APBA1: variants seen among roughly 807,000 people sequenced by gnomAD.
APBA1 encodes the protein amyloid-beta A4 precursor protein-binding family A member 1.
Under a neutral mutation model 86.6 loss-of-function variants are expected in APBA1, and 55 were observed. The observed-to-expected ratio is 0.64, with a 90% confidence interval of 0.51 to 0.80. APBA1 has a LOEUF of 0.80. Among genes scored for constraint, APBA1 ranks in the 30% least tolerant of loss-of-function variants. APBA1 has a pLI of 0.00. For synonymous variants in APBA1, 511 were observed against 493.9 expected (o/e 1.03, Z -0.46); for missense variants, 1,090 against 1,183.0 (o/e 0.92, Z 1.15).
At position 69,516,467 on chromosome 9, in the gene APBA1, G is replaced by T. The variant is rs1836150874; in HGVS notation, c.744C>A (p.Ser248Arg). The part of the protein sequence containing the change: ...YDERSDGESD[S>R]PEKEAEFAPY... ...GCGCGAACTCGGCCTCCTTCTCGGG[G>T]CTGTCGGACTCGCCGTCGGAGCGCT... Residue 248 changes from serine to arginine, a missense_variant, in exon 2 of 13, where the codon AGC (serine) becomes AGA (arginine). By Grantham distance (110) the Ser-to-Arg change is moderately radical. This residue lies in a region of APBA1 where 678 missense variants were observed against 647.1 expected (regional missense o/e 1.05). Coordinates refer to ENST00000265381, the MANE Select transcript of APBA1 (RefSeq NM_001163.4). The surrounding 1 kb of genome is among the most constrained non-coding windows in gnomAD (Gnocchi z 7.3). 3 of 1,602,138 alleles carry T rather than the reference G, an allele frequency of 1.9e-6. No homozygotes were observed. Among genetic ancestry groups the T allele is most frequent in the South Asian group, 1.1e-5 (1 of 90,926 alleles).
At position 69,456,283 on chromosome 9, in the gene APBA1, C is replaced by T. The variant is rs765665436; in HGVS notation, c.1752G>A (p.Gln584=). The change falls in exon 8 of 13, where the codon CAG becomes CAA. Residue 584 remains glutamine (Q), a synonymous_variant. Transcript: ENST00000265381. The stretch of plus-strand genomic sequence containing the variant: ...CGAAGACGTGGCAGATCATCTTGTA[C>T]TGCCTTTTCCCATCCTGGGATGGGT... ...ASHPSQDGKR[Q]YKMICHVFES... 1.2e-6 allele frequency: 2 copies of T among 1,614,242 alleles called. No homozygotes were observed. The highest frequency in any genetic ancestry group is 2.2e-5 in the South Asian group (2 of 91,086).
rs1442024341 is a variant in APBA1, at chr9:69,475,643, C to CA, written c.1296+404dup. Among the ~76,000 whole-genome samples the CA allele has an allele frequency of 4.6e-5, 7 of 152,208 alleles. 1 individual carries two copies. The East Asian group carries it at 1.3e-3, about 29-fold the overall frequency. ...AAACTAACACATTTCCCAAAGCACA[C>CA]AGCAACTGCAAGCCCATGGCATCAG... On this transcript the variant is annotated intron_variant, in intron 3 of 12. Transcript: ENST00000265381.
rs757551094 is a variant in APBA1 at position 69,458,196 on chromosome 9, G to C, written c.1483-8C>G. ...GGCTAATTTCTGGGCCATCTGCTTA[G>C]CATGGAACAAACAGAGACAGGAGAA... On this transcript the variant is annotated splice_region_variant and splice_polypyrimidine_tract_variant and intron_variant, in intron 5 of 12. Transcript: ENST00000265381. The C allele has an allele frequency of 1.9e-6, 3 of 1,609,384 alleles. No homozygotes were observed. The highest frequency in any genetic ancestry group is 2.5e-6 in the Non-Finnish European group (3 of 1,178,702).
chr9:69,442,445 C>T (rs1806631), intron 10 of APBA1, among the ~76,000 whole-genome samples: 44,987 of 151,872 alleles, frequency 0.3, 6,965 homozygotes, highest in East Asian at 0.46. Flanking sequence ...GCCCCAGGCC[C>T]ACTACTCCAA....
At chr9:69,596,475 T>C (rs1259857948) in intron 1 of APBA1, among the ~76,000 whole-genome samples, 1 of 152,182 alleles carries the variant, frequency 6.6e-6, no homozygotes, top group Non-Finnish European at 1.5e-5. Context: ...TGTTTGTTTC[T>C]CTTTTATATA....
chr9:69,528,553 T>C (rs750462487), intron 1 of APBA1, among the ~76,000 whole-genome samples: 1 of 152,112 alleles, frequency 6.6e-6, no homozygotes, highest in Non-Finnish European at 1.5e-5. Flanking sequence ...AATGCCTTGG[T>C]ATAAAATCAA....
chr9:69,638,448 C>A (rs2134005665), intron 1 of APBA1, among the ~76,000 whole-genome samples: 1 of 152,234 alleles, frequency 6.6e-6, no homozygotes, highest in South Asian at 2.1e-4. Flanking sequence ...ACCATGTTGG[C>A]CAGGCTGATC....
chr9:69,644,334 C>A (rs1034470747), intron 1 of APBA1, among the ~76,000 whole-genome samples: 1 of 152,180 alleles, frequency 6.6e-6, no homozygotes, highest in Non-Finnish European at 1.5e-5. Context: ...ACCACCACCA[C>A]AGTCCATATA....
intron 1 of APBA1, among the ~76,000 whole-genome samples, chr9:69,632,342 C>A (rs1437832901): frequency 3.9e-5 from 6 of 152,044 alleles, no homozygotes; most frequent in African/African-American, 1.4e-4. Flanking sequence ...CAACTTCCCT[C>A]CCCCAAAGGT....
chr9:69,547,017 T>G (rs1588355057), intron 1 of APBA1, among the ~76,000 whole-genome samples: 1 of 152,342 alleles, frequency 6.6e-6, no homozygotes, highest in South Asian at 2.1e-4. Flanking sequence ...ATTAAGAAAG[T>G]TCCTTTTTCA....
In APBA1 at chr9:69,658,258, TTCTTTCTTTCTTTCTTTCTTTCTTTC is replaced by T. The variant is rs1474054072; in HGVS notation, c.-70+13869_-70+13894del. On this transcript the variant is annotated intron_variant, in intron 1 of 12. Coordinates refer to ENST00000265381, the MANE Select transcript of APBA1 (RefSeq NM_001163.4). ...TTTCTTTCTTTCTTTCTTTCTTTCT[TTCTTTCTTTCTTTCTTTCTTTCTTTC>T]TCTCTCTCTTTCTCTCTCTCTCTTT... is the stretch of plus-strand genomic sequence containing the variant. Among the ~76,000 whole-genome samples, 75 of 22,304 alleles carry T rather than the reference TTCTTTCTTTCTTTCTTTCTTTCTTTC, an allele frequency of 3.4e-3. 1 individual carries two copies. The highest frequency in any genetic ancestry group is 4.6e-3 in the African/African-American group (70 of 15,112). The allele number at this position is 22,304 out of a possible 152,430, so 14.6% of individuals were successfully genotyped here.
chr9:69,495,591 T>C (rs1399882660), intron 2 of APBA1, among the ~76,000 whole-genome samples: 2 of 152,044 alleles, frequency 1.3e-5, no homozygotes, highest in Non-Finnish European at 2.9e-5. Flanking sequence ...GTCCAGGCAG[T>C]CATGCGTCAC....
intron 2 of APBA1, among the ~76,000 whole-genome samples, chr9:69,490,705 T>C (rs992093362): frequency 3.9e-5 from 6 of 152,064 alleles, no homozygotes; most frequent in Non-Finnish European, 7.4e-5. Flanking sequence ...AATCCACTCC[T>C]CTGACAAAGG....
chr9:69,641,885 A>T lies in APBA1; in HGVS notation c.-70+30268T>A, dbSNP rs547882029. Among the ~76,000 whole-genome samples the T allele has an allele frequency of 7.2e-5, 11 of 152,338 alleles. No homozygotes were observed. In the South Asian group the frequency reaches 2.3e-3, roughly 32 times the overall value. On this transcript the variant is annotated intron_variant, in intron 1 of 12. Transcript: ENST00000265381. ...TTTTGACAGAGTCTCTCGCTCTGTCATCCAGGCTGGAGTGCCGTGGCGTGA... is the reference window on the plus strand; with the variant it reads ...TTTTGACAGAGTCTCTCGCTCTGTCTTCCAGGCTGGAGTGCCGTGGCGTGA...
At chr9:69,646,759 T>C (rs1031970375) in intron 1 of APBA1, among the ~76,000 whole-genome samples, 5 of 152,224 alleles carry the variant, frequency 3.3e-5, no homozygotes. Context: ...AGTTTCCAAC[T>C]GGCTTTATTA....
At chr9:69,591,551 G>A (rs1822128794) in intron 1 of APBA1, among the ~76,000 whole-genome samples, 1 of 152,158 alleles carries the variant, frequency 6.6e-6, no homozygotes, top group East Asian at 1.9e-4. Context: ...GTAACACTCT[G>A]CCTCAGCCTG....
At chr9:69,629,898 C>A (rs984259114) in intron 1 of APBA1, among the ~76,000 whole-genome samples, 1 of 152,170 alleles carries the variant, frequency 6.6e-6, no homozygotes, top group Non-Finnish European at 1.5e-5. Context: ...TGAGGTCCTA[C>A]TCCCGGCCAC....
intron 2 of APBA1, among the ~76,000 whole-genome samples, chr9:69,483,196 G>A (rs1835550882): frequency 6.7e-6 from 1 of 150,080 alleles, no homozygotes; most frequent in African/African-American, 2.4e-5. Context: ...ATGGTCCTCT[G>A]AGAGGAAGGC....
intron 1 of APBA1, among the ~76,000 whole-genome samples, chr9:69,604,762 G>A (rs1174767946): frequency 5.7e-5 from 8 of 141,126 alleles, no homozygotes; most frequent in South Asian, 4.7e-4. Context: ...GAGGGTAAGC[G>A]GAGAAGCACA....
Sources: gnomAD v4.1 joint callset for allele counts (sites outside exome capture counted in the v4.1 genomes callset) on GRCh38, gnomAD v4.1.1 for gene constraint, gnomAD v4.1.1 regional missense constraint, Gnocchi (gnomAD v3.1) non-coding constraint, MANE v1.5 for transcripts, NCBI Gene and HGNC (gene_info 2026-07-23, HGNC 2026-07-21) for gene names.